The following TLN2 variants were observed in gnomAD, a reference collection of about 807,000 sequenced individuals.
TLN2 encodes the protein talin 2, also known as talin-2.
TLN2 carries 118 observed loss-of-function variants against 294.7 expected under a neutral mutation model. The ratio of observed to expected loss-of-function variants is 0.40; its 90% CI spans 0.34 to 0.47. The LOEUF (loss-of-function observed/expected upper bound fraction) is 0.47. Ranked by LOEUF, TLN2 falls within the 20% of genes least tolerant of loss-of-function variation. The probability of loss-of-function intolerance (pLI) is 0.84; values close to 1 mark genes in which losing one functional copy is unlikely to be tolerated. For synonymous variants in TLN2, 1,431 were observed against 1,304.5 expected (o/e 1.10, Z -2.09); for missense variants, 3,083 against 3,282.2 (o/e 0.94, Z 1.48).
intron 54 of TLN2, among the ~76,000 whole-genome samples, chr15:62,823,340 A>C (rs978095622): frequency 6.6e-6 from 1 of 152,156 alleles, no homozygotes; most frequent in Non-Finnish European, 1.5e-5. Flanking sequence ...AAAGGAATTT[A>C]TTTCCCCAAT....
At position 62,621,215 on chromosome 15, in the gene TLN2, C is replaced by T. The variant is rs182788642; in HGVS notation, c.-37+2740C>T. Among the ~76,000 whole-genome samples, 136 of 152,190 alleles carry T rather than the reference C, an allele frequency of 8.9e-4. 2 individuals carry two copies. Among genetic ancestry groups the T allele is most frequent in the Middle Eastern group, 3.4e-3 (1 of 294 alleles). ...CTGAAGTATTATATTTATTTGTTTACCTTTGTCAGCACTCAAGGATTCAGG... is the reference window on the plus strand; with the variant it reads ...CTGAAGTATTATATTTATTTGTTTATCTTTGTCAGCACTCAAGGATTCAGG... On this transcript the variant is annotated intron_variant, in intron 3 of 58. Transcript: ENST00000636159.
chr15:62,621,983 A>G (rs952371785), intron 3 of TLN2, among the ~76,000 whole-genome samples: 9 of 152,134 alleles, frequency 5.9e-5, no homozygotes, highest in Middle Eastern at 6.8e-3. Flanking sequence ...ACATTTAGGA[A>G]AATCTTGCTG....
intron 3 of TLN2, among the ~76,000 whole-genome samples, chr15:62,646,161 T>C (rs2051805183): frequency 1.1e-5 from 1 of 95,224 alleles, no homozygotes; most frequent in Admixed American, 1.1e-4. Flanking sequence ...ATCTCTTTTC[T>C]TTTCTTTCTT....
chr15:62,478,056 C>A (rs2037879814), intron 1 of TLN2, among the ~76,000 whole-genome samples: 1 of 152,204 alleles, frequency 6.6e-6, no homozygotes, highest in Non-Finnish European at 1.5e-5. Flanking sequence ...ACAGCATTCT[C>A]GGAGTACTTC....
chr15:62,701,966 A>T lies in TLN2; in HGVS notation c.1697-26A>T, dbSNP rs748600469. 3.1e-6 allele frequency: 5 copies of T among 1,611,600 alleles called. No homozygotes were observed. The Admixed American group carries it at 6.7e-5, about 21-fold the overall frequency. ...CACCAGAACCATGTGCCCTCCTTTGATGGGGATGGTTCTTTTCTGTGCCAG... is the reference window on the plus strand; with the variant it reads ...CACCAGAACCATGTGCCCTCCTTTGTTGGGGATGGTTCTTTTCTGTGCCAG... On this transcript the variant is annotated intron_variant, in intron 17 of 58. Transcript: ENST00000636159.
At chr15:62,540,636 T>C (rs1567074198) in intron 1 of TLN2, among the ~76,000 whole-genome samples, 1 of 152,140 alleles carries the variant, frequency 6.6e-6, no homozygotes, top group Non-Finnish European at 1.5e-5. Flanking sequence ...TTTGGAACTC[T>C]GAGAAGTCCA....
chr15:62,524,666 A>G lies in TLN2; in HGVS notation c.-237-65021A>G, dbSNP rs139227852. Among the ~76,000 whole-genome samples, 27 of 152,330 alleles carry G rather than the reference A, an allele frequency of 1.8e-4. No homozygotes were observed. The East Asian group carries it at 5.0e-3, about 28-fold the overall frequency. On this transcript the variant is annotated intron_variant, in intron 1 of 58. Coordinates refer to ENST00000636159, the MANE Select transcript of TLN2 (RefSeq NM_015059.3). ...TAGTAAATGTCAGTAAATGATACCT[A>G]TTGAGATTGTCATCTGCAGCTTCAT...
chr15:62,766,947 A>G (rs1244130614), intron 41 of TLN2, among the ~76,000 whole-genome samples: 3 of 152,200 alleles, frequency 2.0e-5, no homozygotes, highest in Admixed American at 1.3e-4. Flanking sequence ...ATTCATACCC[A>G]CATTGTGTTC....
Position 62,796,640 on chromosome 15 carries a change from CCT to C in TLN2, c.6050+348_6050+349del, listed in dbSNP as rs542740533. 8.2e-3 allele frequency among the ~76,000 whole-genome samples: 1,251 copies of C among 152,264 alleles called. 6 individuals carry two copies. Among genetic ancestry groups the C allele is most frequent in the Non-Finnish European group, 0.014 (942 of 68,016 alleles). On this transcript the variant is annotated intron_variant, in intron 47 of 58. Coordinates refer to ENST00000636159, the MANE Select transcript of TLN2 (RefSeq NM_015059.3). ...AGGGGCAGGCATATTTCGCTTAAAC[CCT>C]GTTTTGGGAAGATAGGGGCTCAAAG...
At chr15:62,699,595 G>A (rs1022707686) in intron 16 of TLN2, among the ~76,000 whole-genome samples, 3 of 152,138 alleles carry the variant, frequency 2.0e-5, no homozygotes, top group African/African-American at 7.2e-5. Context: ...TGCTCAAATC[G>A]TGGTCCCAGG....
At chr15:62,666,843 G>A (rs898480305) in intron 9 of TLN2, among the ~76,000 whole-genome samples, 1 of 152,234 alleles carries the variant, frequency 6.6e-6, no homozygotes, top group Non-Finnish European at 1.5e-5. Flanking sequence ...AGCCCACTGT[G>A]TCAGTGGTTC....
chr15:62,617,999 A>G (rs2048452527), intron 2 of TLN2, among the ~76,000 whole-genome samples: 2 of 141,924 alleles, frequency 1.4e-5, no homozygotes, highest in African/African-American at 5.3e-5. Context: ...GAATCTCACT[A>G]TGTTGCCTGG....
chr15:62,777,802 AC>A (rs1321184923), intron 43 of TLN2, among the ~76,000 whole-genome samples: 1 of 152,198 alleles, frequency 6.6e-6, no homozygotes, highest in Non-Finnish European at 1.5e-5. Flanking sequence ...TCATTTAGTG[AC>A]CCATCAAATG....
At chr15:62,537,808 A>G (rs550208997) in intron 1 of TLN2, among the ~76,000 whole-genome samples, 14 of 152,288 alleles carry the variant, frequency 9.2e-5, no homozygotes, top group African/African-American at 2.6e-4. Context: ...TCTGGTCTCA[A>G]TAGCCCAGTT....
intron 37 of TLN2, among the ~76,000 whole-genome samples, chr15:62,760,080 A>G (rs2062566900): frequency 6.6e-6 from 1 of 152,220 alleles, no homozygotes; most frequent in Admixed American, 6.5e-5. Context: ...GAGGCTTTAT[A>G]TGTGAGCAAG....
chr15:62,664,588 T>C lies in TLN2; in HGVS notation c.788+6690T>C, dbSNP rs1290872156. 3.3e-5 allele frequency among the ~76,000 whole-genome samples: 5 copies of C among 151,838 alleles called. No individual in the cohort carries two copies. In the East Asian group the frequency reaches 9.7e-4, roughly 29 times the overall value. ...TTCAAAAAAGTGGCAGCTGGGCGCG[T>C]TGGCCCACGCCTGTAATCCCAGCAC... On this transcript the variant is annotated intron_variant, in intron 9 of 58. Transcript: ENST00000636159.
intron 1 of TLN2, among the ~76,000 whole-genome samples, chr15:62,427,781 G>A (rs1178497224): frequency 6.6e-6 from 1 of 152,180 alleles, no homozygotes; most frequent in Admixed American, 6.5e-5. Flanking sequence ...AGCTTTGGGG[G>A]TCTCTTCCTT....
At chr15:62,703,764 C>G (rs575854108) in intron 19 of TLN2, among the ~76,000 whole-genome samples, 1 of 152,182 alleles carries the variant, frequency 6.6e-6, no homozygotes, top group East Asian at 1.9e-4. Flanking sequence ...TTTTTCAATA[C>G]CAGGGACCTG....
At chr15:62,787,062 G>A (rs1302331157) in intron 45 of TLN2, among the ~76,000 whole-genome samples, 1 of 151,766 alleles carries the variant, frequency 6.6e-6, no homozygotes. Flanking sequence ...GCGCCACCAT[G>A]CCTGGTTAAT....
Sources: allele counts gnomAD v4.1 joint callset (sites outside exome capture counted in the v4.1 genomes callset), GRCh38; gene constraint gnomAD v4.1.1; transcripts MANE v1.5; gene names NCBI Gene and HGNC (gene_info 2026-07-23, HGNC 2026-07-21).